The following VRK2 variants were observed in gnomAD, a reference collection of about 807,000 sequenced individuals.
VRK2 encodes VRK serine/threonine kinase 2.
A neutral mutation model predicts 57.6 loss-of-function variants in VRK2; 60 were observed. That is an observed-to-expected ratio of 1.04 (90% CI 0.85 to 1.29). VRK2 has a LOEUF of 1.29. Ranked by LOEUF, VRK2 falls within the 50% of genes most tolerant of loss-of-function variation. The pLI, the probability that VRK2 is intolerant of heterozygous loss-of-function variation, is 0.00. For synonymous variants in VRK2, 231 were observed against 199.2 expected (o/e 1.16, Z -1.35); for missense variants, 705 against 588.1 (o/e 1.20, Z -2.06).
At chr2:58,114,834 C>T (rs1176269014) in intron 7 of VRK2, among the ~76,000 whole-genome samples, 1 of 152,142 alleles carries the variant, frequency 6.6e-6, no homozygotes, top group Non-Finnish European at 1.5e-5. Context: ...GTGGCCTTCT[C>T]AGACCCTGTA....
At chr2:58,002,212 G>A (rs1030523420) in intron 1 of VRK2, among the ~76,000 whole-genome samples, 3 of 152,184 alleles carry the variant, frequency 2.0e-5, no homozygotes, top group Non-Finnish European at 4.4e-5. Context: ...TGGGCGTGGT[G>A]GTTCACGCCT....
intron 7 of VRK2, among the ~76,000 whole-genome samples, chr2:58,110,750 G>A (rs1267989476): frequency 2.6e-5 from 4 of 152,142 alleles, no homozygotes; most frequent in Non-Finnish European, 4.4e-5. Context: ...TCTGACACTT[G>A]TGAAAGGAAA....
In VRK2 at chr2:58,048,844, A is replaced by G. The variant is rs1675275874; in HGVS notation, c.13A>G (p.Arg5Gly). 1 of 1,613,718 alleles carries G rather than the reference A, an allele frequency of 6.2e-7. No homozygotes were observed. The highest frequency in any genetic ancestry group is 2.2e-5 in the East Asian group (1 of 44,834). ...GCCAACAGAAGTGATGCCACCAAAA[A>G]GAAATGAAAAATACAAACTTCCTAT... MPPKRNEKYKLPIPF... is the reference protein window; with the variant it reads MPPKGNEKYKLPIPF... Residue 5 changes from arginine (R) to glycine (G), a missense_variant, in exon 2 of 13, where the codon AGA (arginine) becomes GGA (glycine). Arg to Gly is a moderately radical substitution (Grantham distance 125, BLOSUM62 -2). Transcript: ENST00000340157.
intron 1 of VRK2, among the ~76,000 whole-genome samples, chr2:57,955,085 T>C (rs1671541442): frequency 6.6e-6 from 1 of 152,164 alleles, no homozygotes; most frequent in African/African-American, 2.4e-5. Context: ...AAGAACATCT[T>C]ATGGCCTAGA....
At chr2:58,016,713 T>C (rs1572784334) in intron 1 of VRK2, among the ~76,000 whole-genome samples, 1 of 152,358 alleles carries the variant, frequency 6.6e-6, no homozygotes, top group East Asian at 1.9e-4. Flanking sequence ...TAAAAATTTC[T>C]AAATTGTTGC....
chr2:58,019,368 T>G (rs761293865), intron 1 of VRK2, among the ~76,000 whole-genome samples: 6 of 152,206 alleles, frequency 3.9e-5, no homozygotes, highest in Non-Finnish European at 8.8e-5. Context: ...CATGTAAACA[T>G]TATGCAATAT....
At chr2:58,038,069 G>C (rs1674331243) in intron 3 of VRK2, among the ~76,000 whole-genome samples, 1 of 152,086 alleles carries the variant, frequency 6.6e-6, no homozygotes, top group South Asian at 2.1e-4. Flanking sequence ...ATTTGGAGCT[G>C]AAAGCAATTG....
rs201873110 is a variant in VRK2 at position 58,154,227 on chromosome 2, CAG to C, written c.1183-5120_1183-5119del. ...TTTGTCATTCTTATTGGTCATGTCT[CAG>C]AACCAGCTTTTGATTGATCATTCTG... On this transcript the variant is annotated intron_variant, in intron 12 of 12. Transcript: ENST00000340157. 4.1e-3 allele frequency among the ~76,000 whole-genome samples: 628 copies of C among 152,124 alleles called. 6 individuals carry two copies. The highest frequency in any genetic ancestry group is 0.014 in the African/African-American group (597 of 41,528).
In VRK2 at chr2:57,942,116, A is replaced by G. The variant is rs149713237; in HGVS notation, c.-439+34277A>G. On this transcript the variant is annotated intron_variant, in intron 1 of 15. Transcript: ENST00000417641. ...AAGCACTAATGAAACACACTGTACG[A>G]AACAACAGTGACAAAAACTTTTTAG... Among the ~76,000 whole-genome samples, 621 of 152,358 alleles carry G rather than the reference A, an allele frequency of 4.1e-3. 5 individuals carry two copies. Among genetic ancestry groups the G allele is most frequent in the South Asian group, 0.015 (71 of 4,834 alleles).
upstream of VRK2, among the ~76,000 whole-genome samples, chr2:58,046,112 T>C (rs1674723862): frequency 6.6e-6 from 1 of 152,214 alleles, no homozygotes; most frequent in Non-Finnish European, 1.5e-5. Context: ...CCCAACGTGC[T>C]GGGAGTACAG....
chr2:58,108,617 C>A (rs1022593625), intron 7 of VRK2, among the ~76,000 whole-genome samples: 1 of 152,136 alleles, frequency 6.6e-6, no homozygotes. Context: ...TTCTTCTTCC[C>A]TGTCTCCATC....
intron 1 of VRK2, among the ~76,000 whole-genome samples, chr2:57,912,708 T>C (rs1670027145): frequency 6.6e-6 from 1 of 152,208 alleles, no homozygotes; most frequent in Non-Finnish European, 1.5e-5. Context: ...AAATAGCTTC[T>C]GGTATGCTGG....
At chr2:58,044,455 T>C (rs183585038), upstream of VRK2, among the ~76,000 whole-genome samples, 2 of 152,302 alleles carry the variant, frequency 1.3e-5, no homozygotes, top group African/African-American at 2.4e-5. Context: ...GATACAGTAG[T>C]GACGAAAACA....
At chr2:58,131,098 A>C (rs1319769926) in intron 8 of VRK2, among the ~76,000 whole-genome samples, 3 of 151,926 alleles carry the variant, frequency 2.0e-5, no homozygotes, top group Non-Finnish European at 4.4e-5. Context: ...GAAGGCCTCT[A>C]TTTGGCTCTC....
chr2:58,134,733 C>G (rs931692848), intron 9 of VRK2, among the ~76,000 whole-genome samples: 2 of 151,746 alleles, frequency 1.3e-5, no homozygotes, highest in Non-Finnish European at 2.9e-5. Flanking sequence ...GCTGTCTATT[C>G]TTCATCAAAC....
chr2:58,043,568 G>T (rs1558556892), upstream of VRK2, among the ~76,000 whole-genome samples: 1 of 151,968 alleles, frequency 6.6e-6, no homozygotes, highest in Non-Finnish European at 1.5e-5. Flanking sequence ...CTGTATTGGT[G>T]CTTTGCTCCT....
At chr2:57,957,551 C>A (rs1014369261) in intron 1 of VRK2, among the ~76,000 whole-genome samples, 1 of 148,592 alleles carries the variant, frequency 6.7e-6, no homozygotes, top group Non-Finnish European at 1.5e-5. Context: ...TTCTAACCAA[C>A]AAAAGTATAT....
At chr2:58,011,367 A>G (rs1010286519) in intron 1 of VRK2, among the ~76,000 whole-genome samples, 4 of 152,182 alleles carry the variant, frequency 2.6e-5, no homozygotes, top group African/African-American at 9.7e-5. Context: ...GGTTTCCACC[A>G]CTTCTTTTCA....
intron 12 of VRK2, among the ~76,000 whole-genome samples, chr2:58,155,484 T>G (rs1038953512): frequency 1.3e-5 from 2 of 148,862 alleles, no homozygotes; most frequent in Non-Finnish European, 2.9e-5. Flanking sequence ...CCTTACAGTT[T>G]TGGTAGTCTC....
Sources: allele counts gnomAD v4.1 joint callset (sites outside exome capture counted in the v4.1 genomes callset), GRCh38; gene constraint gnomAD v4.1.1; transcripts MANE v1.5; gene names NCBI Gene and HGNC (gene_info 2026-07-23, HGNC 2026-07-21).